Variants in CHST9 observed in about 807,000 individuals in gnomAD.
The protein encoded by CHST9 is carbohydrate sulfotransferase 9, also known as GalNAc-4-sulfotransferase 2.
Under a neutral mutation model 44.4 loss-of-function variants are expected in CHST9, and 41 were observed. The observed-to-expected ratio is 0.92, with a 90% CI of 0.72 to 1.20. The LOEUF (loss-of-function observed/expected upper bound fraction) is 1.20. Ranked by LOEUF, CHST9 falls within the 50% of genes most tolerant of loss-of-function variation. The pLI is 0.00. For missense variants in CHST9, 504 were observed against 516.5 expected (o/e 0.98, Z 0.23); for synonymous variants, 171 against 178.4 (o/e 0.96, Z 0.33).
At chr18:27,168,763 A>AATTC (rs1467180104) in intron 1 of CHST9, among the ~76,000 whole-genome samples, 2 of 152,198 alleles carry the variant, frequency 1.3e-5, no homozygotes, top group Non-Finnish European at 2.9e-5. Context: ...CAAGACCTAT[A>AATTC]ATTCACTTCT....
At chr18:27,018,927 C>T (rs1362555292) in intron 4 of CHST9, among the ~76,000 whole-genome samples, 1 of 152,192 alleles carries the variant, frequency 6.6e-6, no homozygotes. Flanking sequence ...CAACCACACC[C>T]TTGATTCTAA....
chr18:27,124,415 AG>A, intron 2 of CHST9, among the ~76,000 whole-genome samples: 1 of 152,382 alleles, frequency 6.6e-6, no homozygotes, highest in African/African-American at 2.4e-5. Context: ...GTAGTGCCAG[AG>A]TAAAATTTGA....
chr18:27,079,410 T>TA (rs2057939186), intron 2 of CHST9, among the ~76,000 whole-genome samples: 1 of 152,214 alleles, frequency 6.6e-6, no homozygotes, highest in South Asian at 2.1e-4. Context: ...TCACAATATC[T>TA]AGAATTTCTC....
At chr18:27,144,624 G>A (rs747831802) in intron 1 of CHST9, among the ~76,000 whole-genome samples, 5 of 152,154 alleles carry the variant, frequency 3.3e-5, no homozygotes, top group Non-Finnish European at 5.9e-5. Context: ...GAATGGTGGA[G>A]GCTGCAGTGA....
chr18:27,118,146 T>C (rs1223802426), intron 2 of CHST9, among the ~76,000 whole-genome samples: 1 of 152,234 alleles, frequency 6.6e-6, no homozygotes, highest in Non-Finnish European at 1.5e-5. Flanking sequence ...CATACAATGT[T>C]GAGCATCTTT....
At position 26,969,372 on chromosome 18, in the gene CHST9, C is replaced by CTGTG. The variant is rs1371549809; in HGVS notation, c.203-25007_203-25006insCACA. 1.7e-3 allele frequency among the ~76,000 whole-genome samples: 209 copies of CTGTG among 122,104 alleles called. 4 individuals carry two copies. The highest frequency in any genetic ancestry group is 0.013 in the East Asian group (50 of 3,808). The allele number at this position is 122,104 out of a possible 152,430, so 80.1% of individuals were successfully genotyped here. On this transcript the variant is annotated intron_variant, in intron 4 of 5. Coordinates refer to ENST00000618847, the MANE Select transcript of CHST9 (RefSeq NM_031422.6). Reference sequence around the variant, plus strand: ...CTTCCTTTTTTGATTCTCTCTCTCTCTCTCTGTGTGTGTGTGTGTGTGTGT... The same window carrying CTGTG: ...CTTCCTTTTTTGATTCTCTCTCTCTCTGTGTCTCTGTGTGTGTGTGTGTGTGTGT...
chr18:26,998,217 T>C (rs2056907697), intron 4 of CHST9, among the ~76,000 whole-genome samples: 1 of 152,198 alleles, frequency 6.6e-6, no homozygotes, highest in African/African-American at 2.4e-5. Context: ...TCGTATTTTA[T>C]TGTGGCACCT....
intron 4 of CHST9, among the ~76,000 whole-genome samples, chr18:26,993,856 C>T (rs1352212663): frequency 3.3e-5 from 5 of 152,142 alleles, no homozygotes; most frequent in Admixed American, 1.3e-4. Context: ...CTGCAGACTG[C>T]GGGCTTAAAC....
intron 5 of CHST9, among the ~76,000 whole-genome samples, chr18:26,919,864 G>A (rs1450381980): frequency 2.0e-5 from 3 of 152,122 alleles, no homozygotes; most frequent in African/African-American, 4.8e-5. Flanking sequence ...ACTTTCTCAA[G>A]TAGGTGAAAC....
intron 3 of CHST9, among the ~76,000 whole-genome samples, chr18:27,036,482 G>A (rs1248683372): frequency 6.6e-6 from 1 of 152,178 alleles, no homozygotes; most frequent in African/African-American, 2.4e-5. Context: ...AAATACAGAG[G>A]CACAGGTGCT....
At chr18:26,965,884 G>C (rs1429551423) in intron 4 of CHST9, among the ~76,000 whole-genome samples, 12 of 152,152 alleles carry the variant, frequency 7.9e-5, no homozygotes, top group Non-Finnish European at 1.8e-4. Context: ...ACAAGAAAGG[G>C]TGTCAAAGAA....
intron 2 of CHST9, among the ~76,000 whole-genome samples, chr18:27,069,645 A>G (rs2057818004): frequency 2.0e-5 from 3 of 152,244 alleles, no homozygotes; most frequent in Admixed American, 2.0e-4. Flanking sequence ...TGAAATATCT[A>G]TTGAAACATA....
At chr18:27,144,564 T>C (rs1042282338) in intron 1 of CHST9, among the ~76,000 whole-genome samples, 1 of 152,006 alleles carries the variant, frequency 6.6e-6, no homozygotes, top group Non-Finnish European at 1.5e-5. Context: ...GCCATGGGCC[T>C]CTAGTCCCAG....
chr18:26,977,242 G>A (rs2056634382), intron 4 of CHST9, among the ~76,000 whole-genome samples: 1 of 152,068 alleles, frequency 6.6e-6, no homozygotes, highest in Non-Finnish European at 1.5e-5. Context: ...GATGGAAGCT[G>A]TCTAAATGCT....
chr18:27,024,325 G>A lies in CHST9; in HGVS notation c.161-168C>T, dbSNP rs540505588. On this transcript the variant is annotated intron_variant, in intron 3 of 5. Transcript: ENST00000618847. ...AAAATGTGTCATCCCCTGTGTTTCTGGCCTGATTAAGCTTGGTGTCACTTA... is the reference window on the plus strand; with the variant it reads ...AAAATGTGTCATCCCCTGTGTTTCTAGCCTGATTAAGCTTGGTGTCACTTA... Among the ~76,000 whole-genome samples, 13 of 152,298 alleles carry A rather than the reference G, an allele frequency of 8.5e-5. No individual in the cohort carries two copies. The East Asian group carries it at 1.5e-3, about 18-fold the overall frequency.
In CHST9 at chr18:26,911,420, C is replaced by T. The variant is rs774373845; in HGVS notation, c.*4839G>A. 7 of 152,126 alleles carry T rather than the reference C, an allele frequency of 4.6e-5. No individual in the cohort carries two copies. Among genetic ancestry groups the T allele is most frequent in the Non-Finnish European group, 7.3e-5 (5 of 68,036 alleles). The allele number at this position is 152,126 out of a possible 1,614,324, so 9.4% of individuals were successfully genotyped here. On this transcript the variant is annotated 3_prime_UTR_variant, in exon 6 of 6. Coordinates refer to ENST00000618847, the MANE Select transcript of CHST9 (RefSeq NM_031422.6). ...ACAAAAAAAATCGAGGAAAGGAATGCCTGCATTTATTGGTAAGAGAATAAT... is the reference window on the plus strand; with the variant it reads ...ACAAAAAAAATCGAGGAAAGGAATGTCTGCATTTATTGGTAAGAGAATAAT...
In CHST9 at chr18:26,911,453, A is replaced by C. The variant is rs1207776278; in HGVS notation, c.*4806T>G. ...TATTGGTAAGAGAATAATCTGATGC[A>C]TGTTACACCAGGGGAAAACTCTGCT... On this transcript the variant is annotated 3_prime_UTR_variant, in exon 6 of 6. Coordinates refer to ENST00000618847, the MANE Select transcript of CHST9 (RefSeq NM_031422.6). The C allele has an allele frequency of 2.0e-5, 3 of 152,218 alleles. No homozygotes were observed. The highest frequency in any genetic ancestry group is 7.2e-5 in the African/African-American group (3 of 41,468). The allele number at this position is 152,218 out of a possible 1,614,324, so 9.4% of individuals were successfully genotyped here.
At chr18:26,990,462 T>C (rs1432884073) in intron 4 of CHST9, among the ~76,000 whole-genome samples, 2 of 152,198 alleles carry the variant, frequency 1.3e-5, no homozygotes, top group South Asian at 2.1e-4. Flanking sequence ...TTTATAAGTA[T>C]GTTATGCTCC....
At position 27,055,938 on chromosome 18, in the gene CHST9, G is replaced by GTGTC. The variant is rs751759324; in HGVS notation, c.122-7436_122-7435insGACA. On this transcript the variant is annotated intron_variant, in intron 2 of 5. Coordinates refer to ENST00000618847, the MANE Select transcript of CHST9 (RefSeq NM_031422.6). ...TTTCTTCTCACCTCTTCTCTCTTTC[G>GTGTC]TGTGTGTGTGTGTGTGTGTGTGTGT... Among the ~76,000 whole-genome samples the GTGTC allele has an allele frequency of 6.6e-3, 191 of 28,750 alleles. 1 individual carries two copies. The highest frequency in any genetic ancestry group is 0.031 in the Middle Eastern group (2 of 64). The allele number at this position is 28,750 out of a possible 152,430, so 18.9% of individuals were successfully genotyped here.
Sources: gnomAD v4.1 joint callset for allele counts (sites outside exome capture counted in the v4.1 genomes callset) on GRCh38, gnomAD v4.1.1 for gene constraint, MANE v1.5 for transcripts, NCBI Gene and HGNC (gene_info 2026-07-23, HGNC 2026-07-21) for gene names.